Variants in GPC4 observed in about 807,000 individuals in gnomAD.
The protein encoded by GPC4 is glypican 4.
Under a neutral mutation model 35.0 loss-of-function variants are expected in GPC4, and 10 were observed. The observed-to-expected ratio is 0.29, with a 90% CI of 0.18 to 0.48. The LOEUF (loss-of-function observed/expected upper bound fraction) is 0.48, where lower values mean the gene tolerates loss of function less well. GPC4 is among the 20% of genes least tolerant of loss of function. The pLI is 0.99. For synonymous variants in GPC4, 167 were observed against 170.2 expected, an observed-to-expected ratio of 0.98 and a Z score of 0.15; for missense variants, 322 against 451.3, an observed-to-expected ratio of 0.71 and a Z score of 2.60.
intron 1 of GPC4, among the ~76,000 whole-genome samples, chrX:133,408,383 C>T (rs55650622): frequency 0.41 from 45,774 of 110,950 alleles, 7,777 homozygotes; most frequent in African/African-American, 0.64. Context: ...ACAACAGTCT[C>T]AACTGTTCAT....
At chrX:133,361,847 G>A (rs2068569985) in intron 1 of GPC4, among the ~76,000 whole-genome samples, 1 of 111,624 alleles carries the variant, frequency 9.0e-6, no homozygotes, top group Non-Finnish European at 1.9e-5. Context: ...GAAAGAATGA[G>A]GAGGCAGGAT....
chrX:133,329,842 G>A (rs533618590), intron 2 of GPC4, among the ~76,000 whole-genome samples: 4 of 111,486 alleles, frequency 3.6e-5, no homozygotes, highest in African/African-American at 1.3e-4. Flanking sequence ...AAAAACTAGA[G>A]TGAAAAGACA....
chrX:133,349,368 T>A (rs1197845519), intron 1 of GPC4, among the ~76,000 whole-genome samples: 1 of 112,429 alleles, frequency 8.9e-6, no homozygotes, highest in Non-Finnish European at 1.9e-5. Flanking sequence ...CAGCAGATGA[T>A]TTTCCATATT....
rs140309997 is a variant in GPC4, at chrX:133,369,948, T to C, written c.161-30607A>G. Reference sequence around the variant, plus strand: ...AAAAGGTTAAATCACTCCCATATGATTGCTTTTAAAATAAGCATGTTACAT... The same window carrying C: ...AAAAGGTTAAATCACTCCCATATGACTGCTTTTAAAATAAGCATGTTACAT... On this transcript the variant is annotated intron_variant, in intron 1 of 8. Transcript: ENST00000370828. 6.7e-3 allele frequency among the ~76,000 whole-genome samples: 744 copies of C among 111,825 alleles called. 4 individuals carry two copies. The highest frequency in any genetic ancestry group is 9.8e-3 in the Non-Finnish European group (523 of 53,138).
intron 4 of GPC4, among the ~76,000 whole-genome samples, chrX:133,308,442 G>A (rs1418510162): frequency 3.6e-5 from 4 of 112,377 alleles, no homozygotes; most frequent in African/African-American, 9.7e-5. Context: ...TCCAGAAACT[G>A]ACTTTTGTTG....
intron 2 of GPC4, among the ~76,000 whole-genome samples, 166 bp from the exon 3 acceptor site, chrX:133,324,702 G>A (rs1249894664): frequency 9.0e-6 from 1 of 111,441 alleles, no homozygotes; most frequent in Non-Finnish European, 1.9e-5. Flanking sequence ...TGGCATCTCA[G>A]ATCATTTGCC....
chrX:133,369,030 C>G (rs968146802), intron 1 of GPC4, among the ~76,000 whole-genome samples: 1 of 111,801 alleles, frequency 8.9e-6, no homozygotes, highest in African/African-American at 3.3e-5. Context: ...ACGTAAGAAT[C>G]ACAGCAGATA....
intron 1 of GPC4, among the ~76,000 whole-genome samples, chrX:133,409,164 A>C (rs2068802019): frequency 1.9e-5 from 2 of 106,818 alleles, no homozygotes; most frequent in African/African-American, 6.8e-5. Flanking sequence ...TGGAAAAAAA[A>C]AAAAAAAATT....
At chrX:133,413,766 G>A (rs999446090) in intron 1 of GPC4, among the ~76,000 whole-genome samples, 2 of 112,223 alleles carry the variant, frequency 1.8e-5, no homozygotes, top group Admixed American at 9.4e-5. Context: ...CGCAACAGTT[G>A]GCCGCTGCTA....
chrX:133,385,941 T>C (rs1334026396), intron 1 of GPC4, among the ~76,000 whole-genome samples: 1 of 110,296 alleles, frequency 9.1e-6, no homozygotes, highest in Non-Finnish European at 1.9e-5. Context: ...GATATTTGTT[T>C]TCTGTGCAGC....
At chrX:133,351,878 T>A (rs780519484) in intron 1 of GPC4, among the ~76,000 whole-genome samples, 15 of 112,139 alleles carry the variant, frequency 1.3e-4, no homozygotes, top group African/African-American at 4.9e-4. Context: ...TTGACCCGAT[T>A]TGGCAACACA....
In GPC4 at chrX:133,409,847, G is replaced by T. The variant is rs762525533; in HGVS notation, c.160+4959C>A. ...TCAGGATAGAACAGGGATTTAGGAGGGGGGGACAGACAAGAGGCAGGTAGA... is the reference window on the plus strand; with the variant it reads ...TCAGGATAGAACAGGGATTTAGGAGTGGGGGACAGACAAGAGGCAGGTAGA... On this transcript the variant is annotated intron_variant, in intron 1 of 8. Transcript: ENST00000370828. 1.3e-4 allele frequency among the ~76,000 whole-genome samples: 14 copies of T among 111,355 alleles called. No individual in the cohort carries two copies. In the Admixed American group the frequency reaches 1.3e-3, roughly 11 times the overall value.
intron 1 of GPC4, among the ~76,000 whole-genome samples, chrX:133,372,224 TAAAAAAAAAAAA>T (rs372391787): frequency 1.2e-5 from 1 of 82,549 alleles, no homozygotes; most frequent in Non-Finnish European, 2.4e-5. Context: ...ACTCCGTCTT[TAAAAAAAAAAAA>T]AAAAAAAAAA....
At chrX:133,380,363 C>G (rs1412154270) in intron 1 of GPC4, among the ~76,000 whole-genome samples, 3 of 101,360 alleles carry the variant, frequency 3.0e-5, no homozygotes, top group Non-Finnish European at 6.0e-5. Context: ...CCCCACCCCC[C>G]AAAAAAGTGA....
At chrX:133,389,495 A>T (rs752741212) in intron 1 of GPC4, among the ~76,000 whole-genome samples, 5 of 111,999 alleles carry the variant, frequency 4.5e-5, no homozygotes, top group Admixed American at 9.5e-5. Context: ...AGATGCAAAG[A>T]TCTACAAGAG....
chrX:133,387,601 A>C (rs1388687447), intron 1 of GPC4, among the ~76,000 whole-genome samples: 2 of 112,321 alleles, frequency 1.8e-5, no homozygotes, highest in Admixed American at 1.9e-4. Context: ...TATTATGCTC[A>C]AATTCTTTCC....
intron 6 of GPC4, among the ~76,000 whole-genome samples, chrX:133,305,412 T>A (rs2068286395): frequency 8.9e-6 from 1 of 112,487 alleles, no homozygotes; most frequent in African/African-American, 3.2e-5. Flanking sequence ...GCCTGGAACA[T>A]CTACTTCTCC....
intron 1 of GPC4, among the ~76,000 whole-genome samples, chrX:133,376,190 T>C (rs924626982): frequency 7.1e-5 from 8 of 112,393 alleles, no homozygotes; most frequent in Non-Finnish European, 1.5e-4. Flanking sequence ...AGAGCCCGTG[T>C]GCTCAGGCCA....
chrX:133,339,395 G>C, intron 1 of GPC4, 54 bp from the exon 2 acceptor site: 2 of 1,114,927 alleles, frequency 1.8e-6, no homozygotes, highest in Non-Finnish European at 1.2e-6. Context: ...TGAAGTCCAA[G>C]AGGGAAAGGT....
Sources: gnomAD v4.1 joint callset for allele counts (sites outside exome capture counted in the v4.1 genomes callset) on GRCh38, gnomAD v4.1.1 for gene constraint, MANE v1.5 for transcripts, NCBI Gene and HGNC (gene_info 2026-07-23, HGNC 2026-07-21) for gene names.